The following DHX32 variants were observed in gnomAD, a reference collection of about 807,000 sequenced individuals.
DHX32 encodes the protein putative pre-mRNA-splicing factor ATP-dependent RNA helicase DHX32.
DHX32 carries 51 observed loss-of-function variants against 70.0 expected under a neutral mutation model. The observed-to-expected ratio is 0.73, with a 90% CI of 0.58 to 0.92. The LOEUF is 0.92. DHX32 is among the 40% of genes least tolerant of loss of function. The probability of loss-of-function intolerance (pLI) is 0.00; values close to 1 mark genes in which losing one functional copy is unlikely to be tolerated. For missense variants in DHX32, 762 were observed against 891.8 expected (o/e 0.85, Z 1.85); for synonymous variants, 310 against 315.3 (o/e 0.98, Z 0.18).
At chr10:125,867,214 C>T in intron 1 of DHX32, 31 bp from the exon 2 acceptor site, 1 of 1,547,056 alleles carries the variant, frequency 6.5e-7, no homozygotes, top group Non-Finnish European at 8.8e-7. Flanking sequence ...ACAGGATCAG[C>T]TTCTGCTGAA....
chr10:125,894,481 C>T (rs75022038), intron 1 of DHX32, among the ~76,000 whole-genome samples: 2 of 152,286 alleles, frequency 1.3e-5, no homozygotes, highest in African/African-American at 4.8e-5. Context: ...TCAAATGTTG[C>T]TTTTCACAGT....
In DHX32 at chr10:125,839,072, C is replaced by A. The variant is rs765597272; in HGVS notation, c.1810G>T (p.Glu604Ter). ...IIKRIELPYAEPAFGSKENTL... is the reference protein window; with the variant it reads ...IIKRIELPYA ...TTTTCCTTGGAGCCAAAAGCAGGTT[C>A]TGCATAGGGAAGCTCGATTCGCTTG... The change falls in exon 9 of 11, where the codon GAA becomes TAA. Residue 604 changes from glutamate (E) to a stop codon, truncating the protein, a stop_gained. Transcript: ENST00000284690. LOFTEE classifies it high-confidence loss of function. The A allele has an allele frequency of 3.1e-6, 5 of 1,614,200 alleles. No individual in the cohort carries two copies. The highest frequency in any genetic ancestry group is 1.7e-6 in the Non-Finnish European group (2 of 1,180,032).
chr10:125,896,395 G>A (rs1944527403), exon 1 of DHX32: 1 of 618,990 alleles, frequency 1.6e-6, no homozygotes, highest in African/African-American at 1.9e-5. Flanking sequence ...GCGACCGCCT[G>A]ACCGGGCTTC....
chr10:125,895,873 GGACGACAGC>G (rs1274772952), intron 1 of DHX32, among the ~76,000 whole-genome samples: 1 of 152,252 alleles, frequency 6.6e-6, no homozygotes, highest in Non-Finnish European at 1.5e-5. Context: ...GGCTCACTGG[GGACGACAGC>G]GACGACGGCG....
chr10:125,894,271 A>G (rs1442354777), intron 1 of DHX32, among the ~76,000 whole-genome samples: 18 of 152,176 alleles, frequency 1.2e-4, no homozygotes, highest in Admixed American at 9.2e-4. Context: ...GTTTTCTCCA[A>G]TAGTAAAGTG....
intron 1 of DHX32, among the ~76,000 whole-genome samples, chr10:125,879,970 A>C (rs984473449): frequency 3.9e-5 from 6 of 152,156 alleles, no homozygotes; most frequent in African/African-American, 7.2e-5. Flanking sequence ...TAATATCCCT[A>C]GGTTTATCTC....
chr10:125,839,655 G>T (rs1854815298), intron 8 of DHX32, among the ~76,000 whole-genome samples: 1 of 152,200 alleles, frequency 6.6e-6, no homozygotes, highest in Non-Finnish European at 1.5e-5. Context: ...TTAATGATAA[G>T]AACAGGATTA....
At position 125,854,100 on chromosome 10, in the gene DHX32, A is replaced by G. The variant is rs753137986; in HGVS notation, c.953T>C (p.Leu318Ser). 8.7e-5 allele frequency: 141 copies of G among 1,613,960 alleles called. 3 individuals carry two copies. In the South Asian group the frequency reaches 1.4e-3, roughly 16 times the overall value. ...TTCTGTTTCATCGAGTGGCTTGAAC[A>G]ATGAACATTTCTCTTTTGGATACAA... ...VPLYPKEKCS[L>S]FKPLDETEKR... is the part of the protein sequence containing the mutation. The change falls in exon 4 of 11, where the codon TTG becomes TCG. Residue 318 changes from leucine to serine, a missense_variant. This residue lies in a region of DHX32 where 394 missense variants were observed against 473.1 expected (regional missense o/e 0.83). Coordinates refer to ENST00000284690, the MANE Select transcript of DHX32 (RefSeq NM_018180.3).
chr10:125,871,713 T>C (rs1036190280), intron 1 of DHX32, among the ~76,000 whole-genome samples: 25 of 152,176 alleles, frequency 1.6e-4, no homozygotes, highest in African/African-American at 6.0e-4. Flanking sequence ...AATGTTATCA[T>C]TTGGCAAATG....
In DHX32 at chr10:125,854,149, G is replaced by A; in HGVS notation, c.904C>T (p.Leu302Phe). ...VYQGSNLNPD[L>F]GELVVVPLYP... The stretch of plus-strand genomic sequence containing the variant: ...AAAGGAACAACCACCAGTTCTCCAA[G>A]ATCTGGGTTTAGGTTAGATCCTTGA... The change falls in exon 4 of 11, where the codon CTT (leucine) becomes TTT (phenylalanine). Residue 302 changes from leucine to phenylalanine, a missense_variant. Physicochemically the swap from Leu to Phe is conservative, Grantham distance 22. This residue lies in a region of DHX32 where 394 missense variants were observed against 473.1 expected (regional missense o/e 0.83). Transcript: ENST00000284690. 6.2e-7 allele frequency: 1 copy of A among 1,613,730 alleles called. No homozygotes were observed. Among genetic ancestry groups the A allele is most frequent in the East Asian group, 2.2e-5 (1 of 44,842 alleles).
intron 2 of DHX32, among the ~76,000 whole-genome samples, chr10:125,860,752 ATT>A (rs397747204): frequency 6.3e-5 from 7 of 111,794 alleles, no homozygotes; most frequent in South Asian, 3.0e-4. Context: ...AACCAATCCC[ATT>A]TTTTTTTTTT....
chr10:125,839,251 G>A, intron 8 of DHX32, 63 bp from the exon 9 acceptor site: 1 of 1,540,762 alleles, frequency 6.5e-7, no homozygotes, highest in Non-Finnish European at 8.8e-7. Context: ...AAGAGCCCAG[G>A]CCAGGCAGTT....
At position 125,848,054 on chromosome 10, in the gene DHX32, A is replaced by C. The variant is rs1564824961; in HGVS notation, c.1351+4239T>G. The stretch of plus-strand genomic sequence containing the variant: ...TATACACATTTACATAAATGGACAG[A>C]GAAAAATGCAGTTATCACTTAGGAG... On this transcript the variant is annotated intron_variant, in intron 6 of 10. Coordinates refer to ENST00000284690, the MANE Select transcript of DHX32 (RefSeq NM_018180.3). 2.0e-5 allele frequency among the ~76,000 whole-genome samples: 3 copies of C among 152,218 alleles called. No individual in the cohort carries two copies. The South Asian group carries it at 6.2e-4, about 32-fold the overall frequency.
chr10:125,866,871 G>T lies in DHX32; in HGVS notation c.476+119C>A. 1 of 1,062,986 alleles carries T rather than the reference G, an allele frequency of 9.4e-7. No individual in the cohort carries two copies. The highest frequency in any genetic ancestry group is 1.3e-6 in the Non-Finnish European group (1 of 744,124). 65.8% of individuals were successfully genotyped at this position (1,062,986 alleles called of 1,614,324 possible). The stretch of plus-strand genomic sequence containing the variant: ...GCTGGCTGGCTGATGACAGAGACCA[G>T]TTGCTACTGCACAGCATAGATGCTT... On this transcript the variant is annotated intron_variant, in intron 2 of 10. Transcript: ENST00000284690. This position sits in a 1 kb window ranked among gnomAD's most constrained non-coding sequence, Gnocchi z 4.8.
intron 1 of DHX32, among the ~76,000 whole-genome samples, chr10:125,887,462 G>T (rs1239303584): frequency 6.6e-6 from 1 of 152,114 alleles, no homozygotes; most frequent in Non-Finnish European, 1.5e-5. Context: ...GGGCCAGATC[G>T]CAAAATACCT....
chr10:125,879,598 C>T (rs761829168), intron 1 of DHX32, among the ~76,000 whole-genome samples: 1 of 152,220 alleles, frequency 6.6e-6, no homozygotes, highest in Admixed American at 6.5e-5. Context: ...TCCAATGGTT[C>T]TGAGTGCTGC....
Position 125,836,646 on chromosome 10 carries a change from C to A in DHX32, c.*41G>T. ...CATATCCAGCAGTTCAGCCATCCAG[C>A]TACCTTTGGGACCCTGCTGCACCTT... On this transcript the variant is annotated 3_prime_UTR_variant, in exon 11 of 11. Transcript: ENST00000284690. 1 of 1,596,144 alleles carries A rather than the reference C, an allele frequency of 6.3e-7. No individual in the cohort carries two copies. Among genetic ancestry groups the A allele is most frequent in the Non-Finnish European group, 8.5e-7 (1 of 1,169,778 alleles).
upstream of DHX32, among the ~76,000 whole-genome samples, chr10:125,882,936 A>C (rs1329565466): frequency 6.6e-6 from 1 of 152,182 alleles, no homozygotes; most frequent in Non-Finnish European, 1.5e-5. Flanking sequence ...CTCAGCCTAC[A>C]TGTAAATTAA....
In DHX32 at chr10:125,852,662, A is replaced by G. The variant is rs896857974; in HGVS notation, c.1093-20T>C. On this transcript the variant is annotated intron_variant, in intron 4 of 10. Transcript: ENST00000284690. ...GTACACCTTTAAATGGAAAGACAGC[A>G]TCATTAGCGTCAGATAAGTCATGAT... 12 of 1,587,336 alleles carry G rather than the reference A, an allele frequency of 7.6e-6. No homozygotes were observed. The highest frequency in any genetic ancestry group is 1.4e-5 in the African/African-American group (1 of 73,728).
Sources: allele counts gnomAD v4.1 joint callset (sites outside exome capture counted in the v4.1 genomes callset), GRCh38; gene constraint gnomAD v4.1.1; regional missense constraint gnomAD v4.1.1; non-coding constraint Gnocchi (gnomAD v3.1); transcripts MANE v1.5; gene names NCBI Gene and HGNC (gene_info 2026-07-23, HGNC 2026-07-21).